BAG2: variants seen among roughly 807,000 people sequenced by gnomAD.
The protein encoded by BAG2 is BAG cochaperone 2, also known as BAG family molecular chaperone regulator 2.
Under a neutral mutation model 16.4 loss-of-function variants are expected in BAG2, and 8 were observed. The ratio of observed to expected loss-of-function variants is 0.49; its 90% CI spans 0.29 to 0.88. BAG2 has a LOEUF of 0.88. BAG2 is among the 40% of genes least tolerant of loss of function. The probability of loss-of-function intolerance (pLI) is 0.09; values close to 1 mark genes in which losing one functional copy is unlikely to be tolerated. For synonymous variants in BAG2, 82 were observed against 89.2 expected (o/e 0.92, Z 0.46); for missense variants, 218 against 248.9 (o/e 0.88, Z 0.84).
intron 1 of BAG2, among the ~76,000 whole-genome samples, chr6:57,181,625 G>A (rs1230333354): frequency 2.6e-5 from 4 of 152,080 alleles, no homozygotes; most frequent in Admixed American, 1.3e-4. Flanking sequence ...ACTTGAAAGC[G>A]GGAGGTGGAG....
At chr6:57,182,213 A>G in intron 2 of BAG2, 72 bp downstream of exon 2, 1 of 1,408,554 alleles carries the variant, frequency 7.1e-7, no homozygotes, top group Non-Finnish European at 9.9e-7. Flanking sequence ...GTGTGGGTCA[A>G]TTTTTGCTTG....
At chr6:57,177,284 C>T (rs189955990) in intron 1 of BAG2, among the ~76,000 whole-genome samples, 5 of 152,116 alleles carry the variant, frequency 3.3e-5, no homozygotes, top group Admixed American at 6.5e-5. Context: ...GACGTGGTGG[C>T]GCATGTCTGT....
intron 1 of BAG2, 27 bp downstream of exon 1, chr6:57,172,837 C>T: frequency 1.4e-6 from 2 of 1,448,526 alleles, no homozygotes; most frequent in South Asian, 1.4e-5. Flanking sequence ...CGGTCTCGGG[C>T]GTTCTGCTCG....
At chr6:57,180,194 A>G (rs1764397660) in intron 1 of BAG2, among the ~76,000 whole-genome samples, 2 of 152,230 alleles carry the variant, frequency 1.3e-5, no homozygotes, top group Non-Finnish European at 1.5e-5. Context: ...GAAGACTACT[A>G]TGAAGAATAC....
rs1764607781 is a variant in BAG2, at chr6:57,186,154, T to G, written c.*1964T>G. 6.6e-6 allele frequency: 1 copy of G among 152,296 alleles called. No individual in the cohort carries two copies. Among genetic ancestry groups the G allele is most frequent in the Admixed American group, 6.6e-5 (1 of 15,258 alleles). The allele number at this position is 152,296 out of a possible 1,614,324, so 9.4% of individuals were successfully genotyped here. A position where few individuals can be genotyped will look rare whatever the true frequency, so the allele number is the denominator to read the frequency against. ...TGGAGTCTTGCTCTGTCACCCAGGC[T>G]GTCTGACAAGTAGAAGACATATCCA... On this transcript the variant is annotated 3_prime_UTR_variant, in exon 3 of 3. Coordinates refer to ENST00000370693, the MANE Select transcript of BAG2 (RefSeq NM_004282.4).
Position 57,172,779 on chromosome 6 carries a change from C to T in BAG2, c.82C>T (p.Leu28=), listed in dbSNP as rs1199726834. The change falls in exon 1 of 3, where the codon CTG becomes TTG. Residue 28 remains leucine (L), a synonymous_variant. Coordinates refer to ENST00000370693, the MANE Select transcript of BAG2 (RefSeq NM_004282.4). ...CTCCATGGCTGACCGCTCCAGCCGC[C>T]TGCTGGAGAGCCTGGACCAGCTGGA... ...SSSMADRSSR[L]LESLDQLELR... is the part of the protein sequence containing the mutation. The T allele has an allele frequency of 1.3e-5, 20 of 1,572,500 alleles. No individual in the cohort carries two copies. The African/African-American group carries it at 1.5e-4, about 12-fold the overall frequency.
intron 2 of BAG2, among the ~76,000 whole-genome samples, chr6:57,183,294 A>G (rs1467677383): frequency 6.6e-6 from 1 of 152,200 alleles, no homozygotes; most frequent in Non-Finnish European, 1.5e-5. Context: ...TTCTATCTGG[A>G]GAAGGATGAA....
intron 2 of BAG2, among the ~76,000 whole-genome samples, chr6:57,182,507 A>T (rs969269985): frequency 1.4e-5 from 2 of 141,900 alleles, no homozygotes; most frequent in African/African-American, 2.6e-5. Flanking sequence ...AGGGTGAGAG[A>T]GTGGAAGCAG....
chr6:57,183,837 G>C lies in BAG2; in HGVS notation c.283G>C (p.Glu95Gln), dbSNP rs1764544017. 1 of 1,613,236 alleles carries C rather than the reference G, an allele frequency of 6.2e-7. No homozygotes were observed. The highest frequency in any genetic ancestry group is 1.1e-5 in the South Asian group (1 of 90,802). ...NRLMGRTLTVEVSVETIRNPQ... is the reference protein window; with the variant it reads ...NRLMGRTLTVQVSVETIRNPQ... ...TTTGATGGGAAGAACTCTCACCGTT[G>C]AAGTGTCAGTAGAAACAATTAGAAA... The change falls in exon 3 of 3, where the codon GAA becomes CAA. Residue 95 changes from glutamate (E) to glutamine (Q), a missense_variant. Coordinates refer to ENST00000370693, the MANE Select transcript of BAG2 (RefSeq NM_004282.4).
At chr6:57,183,597 TA>T (rs1764535654) in intron 2 of BAG2, among the ~76,000 whole-genome samples, 180 bp from the exon 3 acceptor site, 1 of 152,236 alleles carries the variant, frequency 6.6e-6, no homozygotes, top group South Asian at 2.1e-4. Context: ...CAGGAAGTGG[TA>T]TTCTACAACC....
In BAG2 at chr6:57,188,600, A is replaced by AAGAG; in HGVS notation, c.*4413_*4416dup. On this transcript the variant is annotated 3_prime_UTR_variant, in exon 3 of 3. Coordinates refer to ENST00000370693, the MANE Select transcript of BAG2 (RefSeq NM_004282.4). ...GAGGAGAGTAGAGAGTAGAAAATTG[A>AAGAG]AGAGAGTAGAAAAGATGACTCATTA... The AAGAG allele has an allele frequency of 6.6e-6, 1 of 152,262 alleles. No homozygotes were observed. Among genetic ancestry groups the AAGAG allele is most frequent in the African/African-American group, 2.4e-5 (1 of 41,568 alleles). The allele number at this position is 152,262 out of a possible 1,614,324, so 9.4% of individuals were successfully genotyped here. A position where few individuals can be genotyped will look rare whatever the true frequency, so the allele number is the denominator to read the frequency against.
intron 1 of BAG2, among the ~76,000 whole-genome samples, chr6:57,179,028 G>A (rs777144555): frequency 2.6e-5 from 4 of 152,184 alleles, no homozygotes; most frequent in Non-Finnish European, 4.4e-5. Flanking sequence ...AAAAGGTGTT[G>A]AAAAATTAAT....
intron 1 of BAG2, 65 bp from the exon 2 acceptor site, chr6:57,181,967 T>G (rs753883085): frequency 5.3e-5 from 73 of 1,375,588 alleles, no homozygotes; most frequent in Non-Finnish European, 7.0e-5. Flanking sequence ...GAATGAGAGA[T>G]AAAGAAAATT....
intron 1 of BAG2, among the ~76,000 whole-genome samples, chr6:57,179,082 C>CACAATCACA (rs1764366648): frequency 6.6e-6 from 1 of 152,172 alleles, no homozygotes; most frequent in African/African-American, 2.4e-5. Flanking sequence ...CATGATTCAC[C>CACAATCACA]TGTGTCATTT....
intron 1 of BAG2, among the ~76,000 whole-genome samples, chr6:57,178,974 A>G (rs987625882): frequency 2.0e-5 from 3 of 152,222 alleles, no homozygotes; most frequent in Admixed American, 2.0e-4. Flanking sequence ...CCTTTTCAGA[A>G]TAGCATTGTT....
At position 57,182,098 on chromosome 6, in the gene BAG2, CCA is replaced by C; in HGVS notation, c.183_184del (p.His61GlnfsTer5). The C allele has an allele frequency of 6.2e-7, 1 of 1,614,098 alleles. No homozygotes were observed. ...AGAAAGAAATCCTTCTGGAAATGATCCACAGTATCCAAAATAGCCAGGACATG... is the reference window on the plus strand; with the variant it reads ...AGAAAGAAATCCTTCTGGAAATGATCCAGTATCCAAAATAGCCAGGACATG... ...QEKEILLEMIHSIQNSQDMRQ... is the reference protein window; with the variant it reads ...QEKEILLEMIXSIQNSQDMRQ... On this transcript the variant is annotated frameshift_variant, in exon 2 of 3. Transcript: ENST00000370693. LOFTEE classifies it high-confidence loss of function.
At position 57,188,939 on chromosome 6, in the gene BAG2, G is replaced by T. The variant is rs537671730; in HGVS notation, c.*4749G>T. 2 of 152,052 alleles carry T rather than the reference G, an allele frequency of 1.3e-5. No individual in the cohort carries two copies. The highest frequency in any genetic ancestry group is 3.9e-4 in the East Asian group (2 of 5,184). 9.4% of individuals were successfully genotyped at this position (152,052 alleles called of 1,614,324 possible). Reference sequence around the variant, plus strand: ...AAAAACAAAAGATAAAACACAAAAGGAGTACATAAAACATTGTTTAGTACA... The same window carrying T: ...AAAAACAAAAGATAAAACACAAAAGTAGTACATAAAACATTGTTTAGTACA... On this transcript the variant is annotated 3_prime_UTR_variant, in exon 3 of 3. Coordinates refer to ENST00000370693, the MANE Select transcript of BAG2 (RefSeq NM_004282.4).
rs1764190691 is a variant in BAG2 at position 57,173,521 on chromosome 6, T to C, written c.113+711T>C. On this transcript the variant is annotated intron_variant, in intron 1 of 2. Transcript: ENST00000370693. ...AGTGCTAGTTACTGGCCTGAAAGCA[T>C]GAAAAGATAGTTTTCCCCTTTTCTT... The C allele has an allele frequency of 1.1e-5, 11 of 976,956 alleles. 1 individual carries two copies. The highest frequency in any genetic ancestry group is 1.2e-5 in the Non-Finnish European group (10 of 822,208). 60.5% of individuals were successfully genotyped at this position (976,956 alleles called of 1,614,324 possible).
rs1458572592 is a variant in BAG2 at position 57,188,407 on chromosome 6, G to A, written c.*4217G>A. The A allele has an allele frequency of 6.6e-6, 1 of 152,140 alleles. No homozygotes were observed. The highest frequency in any genetic ancestry group is 1.5e-5 in the Non-Finnish European group (1 of 68,006). 9.4% of individuals were successfully genotyped at this position (152,140 alleles called of 1,614,324 possible). On this transcript the variant is annotated 3_prime_UTR_variant, in exon 3 of 3. Transcript: ENST00000370693. Reference sequence around the variant, plus strand: ...TACATAAAATTATATTACAGGAACTGTAACTATCCTCAGAGATTACTTTTT... The same window carrying A: ...TACATAAAATTATATTACAGGAACTATAACTATCCTCAGAGATTACTTTTT...
Sources: gnomAD v4.1 joint callset for allele counts (sites outside exome capture counted in the v4.1 genomes callset) on GRCh38, gnomAD v4.1.1 for gene constraint, MANE v1.5 for transcripts, NCBI Gene and HGNC (gene_info 2026-07-23, HGNC 2026-07-21) for gene names.